Variants in TTC3 observed in about 807,000 individuals in gnomAD.
The protein encoded by TTC3 is E3 ubiquitin-protein ligase TTC3.
In TTC3, 180 loss-of-function variants were observed where a neutral mutation model predicts 249.6. The ratio of observed to expected loss-of-function variants is 0.72; its 90% CI spans 0.64 to 0.82. The LOEUF (loss-of-function observed/expected upper bound fraction) is 0.82. Ranked by LOEUF, TTC3 falls within the 40% of genes least tolerant of loss-of-function variation. The pLI is 0.00. For missense variants in TTC3, 2,061 were observed against 2,398.4 expected, an observed-to-expected ratio of 0.86 and a Z score of 2.94; for synonymous variants, 717 against 805.0, an observed-to-expected ratio of 0.89 and a Z score of 1.85.
At chr21:37,091,359 A>G in exon 7 of TTC3, 1 of 1,611,362 alleles carries the variant, frequency 6.2e-7, no homozygotes, top group Non-Finnish European at 8.5e-7. Context: ...AATTCTAACT[A>G]AATTAGGATC....
intron 24 of TTC3, among the ~76,000 whole-genome samples, chr21:37,150,500 C>T (rs1215594882): frequency 1.3e-5 from 2 of 152,000 alleles, no homozygotes; most frequent in East Asian, 1.9e-4. Context: ...GGGGGAAGAG[C>T]GTCTTGAGGG....
chr21:37,109,232 C>T (rs57749544), intron 11 of TTC3, among the ~76,000 whole-genome samples: 3,272 of 152,212 alleles, frequency 0.021, 115 homozygotes, highest in African/African-American at 0.074. Context: ...GTGAGTGCAG[C>T]GCACCATGTG....
chr21:37,158,064 C>T (rs1285124371), intron 28 of TTC3: 2 of 951,116 alleles, frequency 2.1e-6, no homozygotes, highest in Non-Finnish European at 2.5e-6. Flanking sequence ...GAGTGGAAAG[C>T]TTACTTTTGA....
At chr21:37,113,123 A>ATC (rs2075819705) in intron 11 of TTC3, among the ~76,000 whole-genome samples, 1 of 152,232 alleles carries the variant, frequency 6.6e-6, no homozygotes, top group South Asian at 2.1e-4. Flanking sequence ...TCCCTTTGAA[A>ATC]ACTGGCACAA....
At chr21:37,170,054 G>A (rs1362545664) in intron 34 of TTC3, among the ~76,000 whole-genome samples, 1 of 152,008 alleles carries the variant, frequency 6.6e-6, no homozygotes, top group Non-Finnish European at 1.5e-5. Context: ...GGAAAAAAAC[G>A]GGAAAAATTT....
At chr21:37,130,244 C>T (rs568394351) in intron 16 of TTC3, among the ~76,000 whole-genome samples, 2 of 152,024 alleles carry the variant, frequency 1.3e-5, no homozygotes, top group Admixed American at 1.3e-4. Flanking sequence ...AAATACAAAG[C>T]AAGGATATAG....
chr21:37,124,917 C>T (rs1489167586), intron 14 of TTC3, among the ~76,000 whole-genome samples, 175 bp downstream of exon 14: 5 of 152,052 alleles, frequency 3.3e-5, no homozygotes, highest in East Asian at 1.9e-4. Flanking sequence ...CATATAACTA[C>T]GTAAATAATA....
chr21:37,121,787 G>T, intron 11 of TTC3, 30 bp from the exon 12 acceptor site: 1 of 1,516,670 alleles, frequency 6.6e-7, no homozygotes, highest in South Asian at 1.4e-5. Context: ...ATATTTTTGA[G>T]AAAAAATTAA....
intron 35 of TTC3, among the ~76,000 whole-genome samples, chr21:37,175,427 T>C (rs1236904855): frequency 6.6e-6 from 1 of 151,012 alleles, no homozygotes; most frequent in Non-Finnish European, 1.5e-5. Context: ...TGAAACCCCA[T>C]CTCTACCAAA....
rs77364798 is a variant in TTC3 at position 37,170,255 on chromosome 21, A to G, written c.4468-2340A>G. 6.0e-4 allele frequency among the ~76,000 whole-genome samples: 91 copies of G among 152,370 alleles called. 1 individual carries two copies. In the East Asian group the frequency reaches 0.017, roughly 28 times the overall value. On this transcript the variant is annotated intron_variant, in intron 34 of 45. Transcript: ENST00000355666. ...AACAGATAGAGAACTAATTTCCTTA[A>G]CAACAAAGTTTCTATAAATCAGTAA... is the stretch of plus-strand genomic sequence containing the variant.
chr21:37,182,598 G>A (rs2082857178), intron 35 of TTC3, among the ~76,000 whole-genome samples, 176 bp from the exon 36 acceptor site: 1 of 152,206 alleles, frequency 6.6e-6, no homozygotes, highest in African/African-American at 2.4e-5. Flanking sequence ...GTGTGACTTG[G>A]TGTCCCAGGC....
chr21:37,113,719 A>G lies in TTC3; in HGVS notation c.900+5273A>G, dbSNP rs571945663. Among the ~76,000 whole-genome samples the G allele has an allele frequency of 1.5e-3, 224 of 152,308 alleles. 2 individuals are homozygous for G. Among genetic ancestry groups the G allele is most frequent in the African/African-American group, 4.9e-3 (204 of 41,578 alleles). On this transcript the variant is annotated intron_variant, in intron 11 of 45. Coordinates refer to ENST00000355666, the Ensembl canonical transcript of TTC3. ...TTCATATGGAACCAAAAAAGAGCCC[A>G]CATTACCAAGTCAATCCTAAGCCAA...
In TTC3 at chr21:37,191,321, T is replaced by C; in HGVS notation, c.5025-13T>C. 2 of 1,567,252 alleles carry C rather than the reference T, an allele frequency of 1.3e-6. No homozygotes were observed. Among genetic ancestry groups the C allele is most frequent in the Non-Finnish European group, 1.7e-6 (2 of 1,160,824 alleles). On this transcript the variant is annotated splice_polypyrimidine_tract_variant and intron_variant, in intron 39 of 45. Coordinates refer to ENST00000355666, the Ensembl canonical transcript of TTC3. ...TAAAATTTCTAAAGCAGTTTTATATTATACTTTTTCAGTGATCCTGCAGCA... is the reference window on the plus strand; with the variant it reads ...TAAAATTTCTAAAGCAGTTTTATATCATACTTTTTCAGTGATCCTGCAGCA...
intron 10 of TTC3, chr21:37,100,999 G>A (rs1568915285): frequency 6.6e-6 from 1 of 152,182 alleles, no homozygotes; most frequent in Non-Finnish European, 1.5e-5. Flanking sequence ...TGCCCACTTA[G>A]TGTTCAGTTC....
At position 37,197,961 on chromosome 21, in the gene TTC3, C is replaced by G. The variant is rs753607929; in HGVS notation, c.5786C>G (p.Ser1929Trp). 5.0e-6 allele frequency: 8 copies of G among 1,614,048 alleles called. No individual in the cohort carries two copies. The Admixed American group carries it at 1.2e-4, about 24-fold the overall frequency. The stretch of plus-strand genomic sequence containing the variant: ...ACCAGGTCCTCCCAGGGCTCACCCT[C>G]GGTGGTTGTTGCACCATCACCCAAA... The change falls in exon 44 of 46, where the codon TCG becomes TGG. Residue 1929 changes from serine (S) to tryptophan (W), a missense_variant. Physicochemically the swap from Ser to Trp is radical, Grantham distance 177 (BLOSUM62 -3). This residue lies in a region of TTC3 where 1,040 missense variants were observed against 1,186.1 expected (regional missense o/e 0.88). Coordinates refer to ENST00000355666, the Ensembl canonical transcript of TTC3.
intron 8 of TTC3, among the ~76,000 whole-genome samples, chr21:37,094,696 C>T (rs913799790): frequency 1.7e-4 from 26 of 152,042 alleles, no homozygotes; most frequent in African/African-American, 6.3e-4. Flanking sequence ...ATTTTTTAGC[C>T]TTATAGATAA....
chr21:37,187,935 T>A (rs1252518857), intron 38 of TTC3: 1 of 152,218 alleles, frequency 6.6e-6, no homozygotes, highest in Non-Finnish European at 1.5e-5. Context: ...CCTGTCAAGT[T>A]TACTGACACC....
intron 28 of TTC3, chr21:37,158,307 C>T (rs900078992): frequency 1.2e-5 from 8 of 649,964 alleles, no homozygotes; most frequent in African/African-American, 2.0e-5. Flanking sequence ...AGCATACACT[C>T]GTCCTTTAAC....
At chr21:37,081,633 C>G (rs1295287203) in intron 1 of TTC3, 2 of 152,082 alleles carry the variant, frequency 1.3e-5, no homozygotes, top group South Asian at 4.1e-4. Context: ...AGTCTCTTCT[C>G]TCCTGCTGGA....
Sources: allele counts gnomAD v4.1 joint callset (sites outside exome capture counted in the v4.1 genomes callset), GRCh38; gene constraint gnomAD v4.1.1; regional missense constraint gnomAD v4.1.1; transcripts MANE v1.5; gene names NCBI Gene and HGNC (gene_info 2026-07-23, HGNC 2026-07-21).